The following MDGA2 variants were observed in gnomAD, a reference collection of about 807,000 sequenced individuals.
MDGA2 encodes MAM domain containing glycosylphosphatidylinositol anchor 2.
MDGA2 carries 40 observed loss-of-function variants against 117.8 expected under a neutral mutation model. The observed-to-expected ratio is 0.34, with a 90% CI of 0.26 to 0.44. The LOEUF is 0.44. Among genes scored for constraint, MDGA2 ranks in the 20% least tolerant of loss-of-function variants. The pLI, the probability that MDGA2 is intolerant of heterozygous loss-of-function variation, is 1.00. For missense variants in MDGA2, 1,123 were observed against 1,250.6 expected, an observed-to-expected ratio of 0.90 and a Z score of 1.54; for synonymous variants, 452 against 439.0, an observed-to-expected ratio of 1.03 and a Z score of -0.37.
At chr14:47,246,020 C>T (rs1020021797) in intron 2 of MDGA2, among the ~76,000 whole-genome samples, 2 of 151,808 alleles carry the variant, frequency 1.3e-5, no homozygotes, top group African/African-American at 4.8e-5. Flanking sequence ...ATTAGTGGAG[C>T]TGAGCTTCAC....
At chr14:46,915,693 C>T (rs1433673283) in intron 10 of MDGA2, among the ~76,000 whole-genome samples, 6 of 152,254 alleles carry the variant, frequency 3.9e-5, no homozygotes, top group Admixed American at 1.3e-4. Context: ...GGCAGGGTCA[C>T]GCCTGCTTCC....
chr14:47,392,169 A>T (rs1322819964), intron 1 of MDGA2, among the ~76,000 whole-genome samples: 1 of 152,216 alleles, frequency 6.6e-6, no homozygotes, highest in African/African-American at 2.4e-5. Context: ...AAGAAAATAA[A>T]TAAATAGATA....
chr14:46,979,082 GTC>G (rs1244271889), intron 8 of MDGA2, among the ~76,000 whole-genome samples: 1 of 152,016 alleles, frequency 6.6e-6, no homozygotes, highest in East Asian at 1.9e-4. Context: ...CTCACTTTGT[GTC>G]TCTGTGTGAC....
chr14:47,399,990 C>G (rs1236982876), intron 1 of MDGA2, among the ~76,000 whole-genome samples: 1 of 152,040 alleles, frequency 6.6e-6, no homozygotes, highest in Non-Finnish European at 1.5e-5. Context: ...ATAGCACTTA[C>G]CTCCAATTTA....
intron 2 of MDGA2, among the ~76,000 whole-genome samples, chr14:47,259,390 C>T (rs540614013): frequency 8.5e-5 from 13 of 152,050 alleles, no homozygotes; most frequent in Middle Eastern, 3.4e-3. Flanking sequence ...TAAAAATAAC[C>T]AATCCTATAA....
chr14:46,920,003 A>G lies in MDGA2; in HGVS notation c.2238+9T>C. On this transcript the variant is annotated intron_variant, in intron 10 of 16. Coordinates refer to ENST00000399232, the MANE Select transcript of MDGA2 (RefSeq NM_001113498.3). ...ACAAAGAAAAAAGGACATCAGTTAGATTTCTCACCTGCCTGATGCCCAACC... is the reference window on the plus strand; with the variant it reads ...ACAAAGAAAAAAGGACATCAGTTAGGTTTCTCACCTGCCTGATGCCCAACC... 2.6e-6 allele frequency: 4 copies of G among 1,562,192 alleles called. No homozygotes were observed. The highest frequency in any genetic ancestry group is 1.7e-6 in the Non-Finnish European group (2 of 1,159,332).
At chr14:47,474,624 G>A (rs918309851) in intron 1 of MDGA2, among the ~76,000 whole-genome samples, 2 of 152,038 alleles carry the variant, frequency 1.3e-5, no homozygotes, top group African/African-American at 4.8e-5. Context: ...CACGGTACTG[G>A]TCCAAAAACA....
chr14:46,853,449 A>G (rs1173359825), intron 15 of MDGA2, among the ~76,000 whole-genome samples: 2 of 151,922 alleles, frequency 1.3e-5, no homozygotes, highest in African/African-American at 2.4e-5. Context: ...GAAGAAAAAT[A>G]TATCAAAGCA....
At chr14:47,259,721 T>C in intron 2 of MDGA2, among the ~76,000 whole-genome samples, 1 of 151,724 alleles carries the variant, frequency 6.6e-6, no homozygotes, top group Admixed American at 6.6e-5. Flanking sequence ...CTTTAGAAAA[T>C]AAGGGCTCAA....
intron 8 of MDGA2, among the ~76,000 whole-genome samples, chr14:46,997,659 T>C (rs1887345121): frequency 6.6e-6 from 1 of 152,164 alleles, no homozygotes; most frequent in Non-Finnish European, 1.5e-5. Context: ...TTCACTTTTT[T>C]GTTGTTACTG....
chr14:47,637,543 T>C (rs1048995082), intron 1 of MDGA2, among the ~76,000 whole-genome samples: 6 of 152,176 alleles, frequency 3.9e-5, no homozygotes, highest in East Asian at 1.9e-4. Flanking sequence ...CTGGTGAAAC[T>C]TCAAGGAAAT....
intron 10 of MDGA2, among the ~76,000 whole-genome samples, chr14:46,913,615 C>CT (rs1188428502): frequency 6.6e-6 from 1 of 152,094 alleles, no homozygotes; most frequent in Non-Finnish European, 1.5e-5. Context: ...TCAAACATAT[C>CT]TTTTTTGCTT....
At chr14:47,093,606 TAAGAA>T (rs1566619685) in intron 6 of MDGA2, among the ~76,000 whole-genome samples, 1 of 152,090 alleles carries the variant, frequency 6.6e-6, no homozygotes, top group Admixed American at 6.6e-5. Flanking sequence ...TAAAAAACTA[TAAGAA>T]AAGGCATTGA....
intron 8 of MDGA2, among the ~76,000 whole-genome samples, chr14:46,964,768 G>C (rs78225290): frequency 0.12 from 17,929 of 151,992 alleles, 2,011 homozygotes; most frequent in African/African-American, 0.27. Context: ...AGTCTTTGCT[G>C]TCAAGTTATA....
chr14:47,188,620 A>C (rs1243008364), intron 3 of MDGA2, among the ~76,000 whole-genome samples: 1 of 152,198 alleles, frequency 6.6e-6, no homozygotes, highest in Non-Finnish European at 1.5e-5. Context: ...TAAGCCATAA[A>C]ATTTTGGGGT....
rs1479227057 is a variant in MDGA2, at chr14:46,886,869, C to T, written c.2239-4648G>A. Among the ~76,000 whole-genome samples the T allele has an allele frequency of 2.6e-5, 4 of 151,894 alleles. No individual in the cohort carries two copies. In the South Asian group the frequency reaches 6.2e-4, roughly 24 times the overall value. ...ATGTTCTCCAGAATTTTGTATATGG[C>T]GTTTGTGGTACTCTGTATTAGTGGT... On this transcript the variant is annotated intron_variant, in intron 10 of 16. Coordinates refer to ENST00000399232, the MANE Select transcript of MDGA2 (RefSeq NM_001113498.3).
At chr14:47,105,966 C>A (rs982315305) in intron 5 of MDGA2, among the ~76,000 whole-genome samples, 19 of 20,702 alleles carry the variant, frequency 9.2e-4, no homozygotes, top group East Asian at 0.083. Context: ...AGTTTCGTTC[C>A]GTGACTAGCC....
At chr14:47,214,287 C>CTTAT (rs1165353014) in intron 3 of MDGA2, among the ~76,000 whole-genome samples, 1 of 152,060 alleles carries the variant, frequency 6.6e-6, no homozygotes, top group African/African-American at 2.4e-5. Flanking sequence ...GAAATATTTG[C>CTTAT]ATAAATAACC....
At chr14:46,982,705 C>CAAAAAAA (rs59530070) in intron 8 of MDGA2, among the ~76,000 whole-genome samples, 80 of 45,940 alleles carry the variant, frequency 1.7e-3, no homozygotes, top group African/African-American at 7.0e-3. Flanking sequence ...GAGACTCCAT[C>CAAAAAAA]AAAAAAAAAA....
Sources: allele counts gnomAD v4.1 joint callset (sites outside exome capture counted in the v4.1 genomes callset), GRCh38; gene constraint gnomAD v4.1.1; transcripts MANE v1.5; gene names NCBI Gene and HGNC (gene_info 2026-07-23, HGNC 2026-07-21).